Variants in TANC1 observed in about 807,000 individuals in gnomAD.
TANC1 encodes protein TANC1.
Under a neutral mutation model 149.7 loss-of-function variants are expected in TANC1, and 77 were observed. That is an observed-to-expected ratio of 0.51 (90% CI 0.43 to 0.62). The LOEUF (loss-of-function observed/expected upper bound fraction) is 0.62, where lower values mean the gene tolerates loss of function less well. TANC1 is among the 20% of genes least tolerant of loss of function. The pLI is 0.00. For synonymous variants in TANC1, 854 were observed against 925.0 expected (o/e 0.92, Z 1.39); for missense variants, 1,985 against 2,321.8 (o/e 0.85, Z 2.98).
intron 14 of TANC1, among the ~76,000 whole-genome samples, chr2:159,184,622 G>A (rs961752093): frequency 5.3e-5 from 8 of 152,204 alleles, no homozygotes; most frequent in African/African-American, 1.9e-4. Context: ...CCTGGGATCA[G>A]CCCATGGGTA....
At chr2:158,975,183 A>ATTGTATTG (rs1333610518) in intron 1 of TANC1, among the ~76,000 whole-genome samples, 1 of 151,978 alleles carries the variant, frequency 6.6e-6, no homozygotes, top group East Asian at 1.9e-4. Flanking sequence ...TATTGTGTTT[A>ATTGTATTG]TTGTATTGTT....
At chr2:159,166,945 G>A (rs939583914) in intron 8 of TANC1, among the ~76,000 whole-genome samples, 8 of 152,196 alleles carry the variant, frequency 5.3e-5, no homozygotes, top group African/African-American at 9.7e-5. Context: ...TTTTGGTGCC[G>A]AAGCTCTAGT....
intron 3 of TANC1, among the ~76,000 whole-genome samples, chr2:159,072,925 A>G (rs1018911868): frequency 6.6e-6 from 1 of 152,226 alleles, no homozygotes; most frequent in African/African-American, 2.4e-5. Flanking sequence ...TCCCAGCTTC[A>G]GCCTTTCCCC....
chr2:159,163,573 A>G (rs2054269607), intron 8 of TANC1, 27 bp downstream of exon 8: 1 of 1,601,048 alleles, frequency 6.2e-7, no homozygotes, highest in Admixed American at 1.7e-5. Flanking sequence ...CCCTGGAAGG[A>G]TTATCTCAGG....
chr2:159,012,027 G>T (rs772631578), intron 2 of TANC1, among the ~76,000 whole-genome samples: 1 of 152,160 alleles, frequency 6.6e-6, no homozygotes, highest in Non-Finnish European at 1.5e-5. Context: ...AAGGGGGCTA[G>T]TGACAGGCCA....
At position 159,230,915 on chromosome 2, in the gene TANC1, G is replaced by T. The variant is rs767379059; in HGVS notation, c.5489G>T (p.Ser1830Ile). The T allele has an allele frequency of 9.9e-6, 16 of 1,614,208 alleles. No homozygotes were observed. The highest frequency in any genetic ancestry group is 4.2e-6 in the Non-Finnish European group (5 of 1,180,038). ...ACTGTTTCTCATCTGTACCAGGAAAGTATCTCCAAACAGCAGCCTCATATT... is the reference window on the plus strand; with the variant it reads ...ACTGTTTCTCATCTGTACCAGGAAATTATCTCCAAACAGCAGCCTCATATT... ...TKTVSHLYQESISKQQPHISN... is the reference protein window; with the variant it reads ...TKTVSHLYQEIISKQQPHISN... The change falls in exon 27 of 27, where the codon AGT becomes ATT. Residue 1830 changes from serine (S) to isoleucine (I), a missense_variant. Coordinates refer to ENST00000263635, the MANE Select transcript of TANC1 (RefSeq NM_033394.3). The surrounding 1 kb of genome is among the most constrained non-coding windows in gnomAD (Gnocchi z 4.4).
intron 5 of TANC1, among the ~76,000 whole-genome samples, chr2:159,139,841 G>A (rs1182284770): frequency 6.6e-6 from 1 of 152,178 alleles, no homozygotes; most frequent in Non-Finnish European, 1.5e-5. Context: ...AGGGTCTTTA[G>A]TTATATGCTT....
At chr2:159,176,230 C>G (rs1220213580) in intron 12 of TANC1, 122 bp from the exon 13 acceptor site, 1 of 535,230 alleles carries the variant, frequency 1.9e-6, no homozygotes, top group South Asian at 3.1e-5. Context: ...AAAACTGTTT[C>G]TTGTGCCATA....
At chr2:158,992,687 T>A (rs1350937729) in intron 1 of TANC1, among the ~76,000 whole-genome samples, 1 of 145,608 alleles carries the variant, frequency 6.9e-6, no homozygotes, top group Admixed American at 6.9e-5. Context: ...TTTTTTTTTT[T>A]TTTTTTGTAT....
Position 158,980,185 on chromosome 2 carries a change from C to T in TANC1, c.-126+11403C>T, listed in dbSNP as rs901316071. 1.2e-4 allele frequency among the ~76,000 whole-genome samples: 19 copies of T among 152,130 alleles called. 1 individual carries two copies. Among genetic ancestry groups the T allele is most frequent in the South Asian group, 1.0e-3 (5 of 4,810 alleles). ...AACCAGGTATTTTTGTTTTTAACTA[C>T]AGGACTTTTGAGCACCCTTAGATCT... On this transcript the variant is annotated intron_variant, in intron 1 of 26. Transcript: ENST00000263635.
rs1559493456 is a variant in TANC1, at chr2:159,225,678, T to C, written c.3812-10T>C. The C allele has an allele frequency of 6.2e-7, 1 of 1,612,934 alleles. No individual in the cohort carries two copies. The highest frequency in any genetic ancestry group is 1.1e-5 in the South Asian group (1 of 91,050). On this transcript the variant is annotated splice_polypyrimidine_tract_variant and intron_variant, in intron 23 of 26. Transcript: ENST00000263635. ...TCTGAAGTGCCTCTGAATGCGTGTT[T>C]GTTTTGCAGGAAATGCTGCTTGGGC...
At position 159,231,323 on chromosome 2, in the gene TANC1, G is replaced by A. The variant is rs2060323248; in HGVS notation, c.*311G>A. ...ACTTTCTTCCTTGCCTTTGCTATAT[G>A]GTAGAATCACAGAACTTACTTAGAG... is the stretch of plus-strand genomic sequence containing the variant. On this transcript the variant is annotated 3_prime_UTR_variant, in exon 27 of 27. Transcript: ENST00000263635. 8.1e-6 allele frequency: 2 copies of A among 245,440 alleles called. No homozygotes were observed. Among genetic ancestry groups the A allele is most frequent in the Non-Finnish European group, 1.6e-5 (2 of 127,122 alleles). The allele number at this position is 245,440 out of a possible 1,614,324, so 15.2% of individuals were successfully genotyped here. A position where few individuals can be genotyped will look rare whatever the true frequency, so the allele number is the denominator to read the frequency against.
intron 16 of TANC1, among the ~76,000 whole-genome samples, chr2:159,192,012 T>G (rs1438433343): frequency 6.6e-6 from 1 of 152,058 alleles, no homozygotes; most frequent in Non-Finnish European, 1.5e-5. Flanking sequence ...TATCTAATGA[T>G]CTGAAGATCT....
chr2:159,060,484 T>C (rs752436012), intron 2 of TANC1, among the ~76,000 whole-genome samples: 7 of 152,374 alleles, frequency 4.6e-5, no homozygotes, highest in Non-Finnish European at 1.0e-4. Context: ...TGATGTCACA[T>C]GGATTTAACT....
At chr2:159,177,484 T>A (rs988382237) in intron 13 of TANC1, among the ~76,000 whole-genome samples, 1 of 152,240 alleles carries the variant, frequency 6.6e-6, no homozygotes, top group Admixed American at 6.5e-5. Flanking sequence ...AAACTGAAAT[T>A]AGACCTCAGT....
chr2:159,032,567 C>G (rs542494939), intron 2 of TANC1, among the ~76,000 whole-genome samples: 1 of 152,254 alleles, frequency 6.6e-6, no homozygotes, highest in East Asian at 1.9e-4. Context: ...AATATAACAG[C>G]CTGTAATCTA....
intron 2 of TANC1, among the ~76,000 whole-genome samples, chr2:159,034,380 A>G (rs1425781318): frequency 2.0e-5 from 3 of 152,230 alleles, no homozygotes. Context: ...CAGGAGGACA[A>G]AAGAAACAGC....
chr2:159,080,156 G>A (rs1443773410), intron 3 of TANC1, among the ~76,000 whole-genome samples: 2 of 152,180 alleles, frequency 1.3e-5, no homozygotes, highest in Non-Finnish European at 2.9e-5. Flanking sequence ...TCTGGGCCTT[G>A]CCTGGAGACT....
At chr2:159,034,480 C>T (rs953443665) in intron 2 of TANC1, among the ~76,000 whole-genome samples, 1 of 152,130 alleles carries the variant, frequency 6.6e-6, no homozygotes, top group Admixed American at 6.5e-5. Context: ...GGCCCTATTC[C>T]CAGAGATCCC....
Sources: gnomAD v4.1 joint callset for allele counts (sites outside exome capture counted in the v4.1 genomes callset) on GRCh38, gnomAD v4.1.1 for gene constraint, Gnocchi (gnomAD v3.1) non-coding constraint, MANE v1.5 for transcripts, NCBI Gene and HGNC (gene_info 2026-07-23, HGNC 2026-07-21) for gene names.